SPATA7: variants seen among roughly 807,000 people sequenced by gnomAD.
The protein encoded by SPATA7 is spermatogenesis-associated protein 7.
SPATA7 carries 43 observed loss-of-function variants against 51.8 expected under a neutral mutation model. The ratio of observed to expected loss-of-function variants is 0.83; its 90% CI spans 0.65 to 1.07. The LOEUF is 1.07. Among genes scored for constraint, SPATA7 ranks in the 50% least tolerant of loss-of-function variants. SPATA7 has a pLI of 0.00. For synonymous variants in SPATA7, 230 were observed against 252.8 expected, an observed-to-expected ratio of 0.91 and a Z score of 0.86; for missense variants, 683 against 701.3, an observed-to-expected ratio of 0.97 and a Z score of 0.30.
rs144813926 is a variant in SPATA7, at chr14:88,431,455, G to T, written c.1082+230G>T. ...ATCTCGAACATTTTATCATTTCTTT[G>T]TGTTGGAAACATTGAGTATCCTTCT... On this transcript the variant is annotated intron_variant, in intron 9 of 11. Transcript: ENST00000393545. Among the ~76,000 whole-genome samples, 33 of 152,136 alleles carry T rather than the reference G, an allele frequency of 2.2e-4. No individual in the cohort carries two copies. In the East Asian group the frequency reaches 6.0e-3, roughly 28 times the overall value.
At position 88,469,625 on chromosome 14, in the gene SPATA7, C is replaced by T; in HGVS notation, c.255-222C>T. ...TTCAGGCCTGTGGTGGCATAGCAGCCAGAGTCTGTGCGGAACCGGGTCGTG... is the reference window on the plus strand; with the variant it reads ...TTCAGGCCTGTGGTGGCATAGCAGCTAGAGTCTGTGCGGAACCGGGTCGTG... On this transcript the variant is annotated intron_variant, in intron 4 of 4. Coordinates refer to the SPATA7 transcript ENST00000556406. This position sits in a 1 kb window ranked among gnomAD's most constrained non-coding sequence, Gnocchi z 4.3. The T allele has an allele frequency of 6.2e-7, 1 of 1,614,136 alleles. No individual in the cohort carries two copies. The highest frequency in any genetic ancestry group is 8.5e-7 in the Non-Finnish European group (1 of 1,180,028).
chr14:88,404,891 G>A (rs1328253448), intron 4 of SPATA7, among the ~76,000 whole-genome samples: 1 of 152,148 alleles, frequency 6.6e-6, no homozygotes, highest in Non-Finnish European at 1.5e-5. Flanking sequence ...GGACTAAAGA[G>A]GTGAACAGGA....
intron 1 of SPATA7, among the ~76,000 whole-genome samples, 173 bp from the exon 2 acceptor site, chr14:88,391,208 A>G (rs550659149): frequency 3.9e-5 from 6 of 152,348 alleles, no homozygotes; most frequent in African/African-American, 1.4e-4. Flanking sequence ...ATTACATTTA[A>G]TGCTGTAACT....
intron 3 of SPATA7, among the ~76,000 whole-genome samples, chr14:88,443,540 G>C (rs1162535114): frequency 6.6e-6 from 1 of 152,040 alleles, no homozygotes; most frequent in African/African-American, 2.4e-5. Context: ...GTGCAGGTTA[G>C]TTACATATGT....
At chr14:88,459,682 T>G (rs1328322891), downstream of SPATA7, among the ~76,000 whole-genome samples, 1 of 152,228 alleles carries the variant, frequency 6.6e-6, no homozygotes, top group East Asian at 1.9e-4. Flanking sequence ...TGCCAGTCTG[T>G]GTATTTTAAT....
At chr14:88,428,646 T>A (rs2076860017) in intron 7 of SPATA7, 1 of 152,126 alleles carries the variant, frequency 6.6e-6, no homozygotes, top group African/African-American at 2.4e-5. Flanking sequence ...TTGGAAAGAG[T>A]TAGCTTTGCA....
chr14:88,391,669 C>G (rs982123718), intron 2 of SPATA7: 12 of 614,324 alleles, frequency 2.0e-5, no homozygotes, highest in Non-Finnish European at 3.3e-5. Context: ...GTGGACTTGG[C>G]TGTCTCCTGC....
chr14:88,438,329 C>T lies in SPATA7; in HGVS notation c.1707C>T (p.Phe569=), dbSNP rs201347745. Residue 569 remains phenylalanine (F), a synonymous_variant, in exon 12 of 12, where the codon TTC becomes TTT. Coordinates refer to ENST00000393545, the MANE Select transcript of SPATA7 (RefSeq NM_018418.5). ...LNTSPSQSVQ[F]SSVKGDNNHD... is the part of the protein sequence containing the mutation. ...CATCACCCTCCCAATCTGTTCAGTT[C>T]TCCAGTGTCAAAGGCGACAATAATC... is the stretch of plus-strand genomic sequence containing the variant. The T allele has an allele frequency of 1.2e-6, 2 of 1,614,018 alleles. No homozygotes were observed. Among genetic ancestry groups the T allele is most frequent in the Admixed American group, 1.7e-5 (1 of 60,006 alleles).
At chr14:88,429,180 A>G (rs1480376705) in intron 7 of SPATA7, 168 bp from the exon 8 acceptor site, 11 of 445,478 alleles carry the variant, frequency 2.5e-5, no homozygotes, top group Non-Finnish European at 4.1e-5. Context: ...AGTTTAAGAA[A>G]AAAGTGCTGG....
rs1372472205 is a variant in SPATA7 at position 88,385,747 on chromosome 14, G to T, written c.-72G>T. ...CTCTTTTCCAGTCCTCCACTGCCGG[G>T]GCTGGGCCCGGCCGCGGGAAGGACC... On this transcript the variant is annotated 5_prime_UTR_variant, in exon 1 of 12. Transcript: ENST00000393545. The T allele has an allele frequency of 2.7e-6, 4 of 1,472,602 alleles. No individual in the cohort carries two copies. Among genetic ancestry groups the T allele is most frequent in the Non-Finnish European group, 3.7e-6 (4 of 1,067,394 alleles). The allele number at this position is 1,472,602 out of a possible 1,614,324, so 91.2% of individuals were successfully genotyped here.
Position 88,416,507 on chromosome 14 carries a change from G to T in SPATA7, c.239-204G>T. On this transcript the variant is annotated intron_variant, in intron 4 of 11. Transcript: ENST00000393545. ...CATTTAGAATTTCTATAAATTAAAT[G>T]TGTTAGTTAATATCTAGAGGCACAT... 53 of 329,958 alleles carry T rather than the reference G, an allele frequency of 1.6e-4. No individual in the cohort carries two copies. In the Middle Eastern group the frequency reaches 3.1e-3, roughly 19 times the overall value. 20.4% of individuals were successfully genotyped at this position (329,958 alleles called of 1,614,324 possible). A position where few individuals can be genotyped will look rare whatever the true frequency, so the allele number is the denominator to read the frequency against.
chr14:88,407,014 C>T (rs1434595979), intron 4 of SPATA7, among the ~76,000 whole-genome samples: 1 of 152,120 alleles, frequency 6.6e-6, no homozygotes, highest in East Asian at 1.9e-4. Flanking sequence ...GAAATATACC[C>T]ATTGATGGGC....
rs17124665 is a variant in SPATA7, at chr14:88,426,405, T to C, written c.546T>C (p.Ser182=). The C allele has an allele frequency of 6.5e-3, 10,411 of 1,614,082 alleles. 569 individuals carry two copies. In the African/African-American group the frequency reaches 0.12, roughly 19 times the overall value. ...PEKNSSSSPS[S]VDYAASGPRK... is the part of the protein sequence containing the mutation. ...AGAACTCCAGTTCCTCCCCGTCCAG[T>C]GTGGATTATGCAGCCTCCGGGCCCC... Residue 182 remains serine (S), a synonymous_variant, in exon 6 of 12, where the codon AGT becomes AGC. Transcript: ENST00000393545.
exon 5 of SPATA7, chr14:88,470,196 G>C (rs1363529723): frequency 7.0e-6 from 5 of 713,128 alleles, no homozygotes; most frequent in Non-Finnish European, 9.0e-6. Context: ...GCAGAATAAG[G>C]AAAGACTTTT....
At chr14:88,426,810 C>T in intron 6 of SPATA7, 106 bp downstream of exon 6, 1 of 1,001,694 alleles carries the variant, frequency 1.0e-6, no homozygotes, top group South Asian at 1.4e-5. Context: ...CTGATAGTGC[C>T]CTTTTGATTG....
At chr14:88,391,502 G>A (rs2075744304) in intron 2 of SPATA7, 47 bp downstream of exon 2, 3 of 1,520,304 alleles carry the variant, frequency 2.0e-6, no homozygotes, top group Middle Eastern at 1.7e-4. Flanking sequence ...GATTGTCTGA[G>A]TGTTTCCTTT....
intron 4 of SPATA7, among the ~76,000 whole-genome samples, chr14:88,460,759 C>T (rs141050904): frequency 1.7e-3 from 254 of 152,316 alleles, no homozygotes; most frequent in Non-Finnish European, 2.9e-3. Context: ...TAAGGAGCTG[C>T]GTTCCTTTGG....
intron 3 of SPATA7, chr14:88,393,708 C>A: frequency 2.7e-6 from 1 of 372,174 alleles, no homozygotes. Flanking sequence ...TATTTTATTT[C>A]GTTTTTTATC....
rs570842784 is a variant in SPATA7, at chr14:88,385,712, C to G, written c.-107C>G. 18 of 1,100,088 alleles carry G rather than the reference C, an allele frequency of 1.6e-5. No homozygotes were observed. Among genetic ancestry groups the G allele is most frequent in the Non-Finnish European group, 2.0e-5 (15 of 736,382 alleles). The allele number at this position is 1,100,088 out of a possible 1,614,324, so 68.1% of individuals were successfully genotyped here. A position where few individuals can be genotyped will look rare whatever the true frequency, so the allele number is the denominator to read the frequency against. On this transcript the variant is annotated 5_prime_UTR_variant, in exon 1 of 12. Coordinates refer to ENST00000393545, the MANE Select transcript of SPATA7 (RefSeq NM_018418.5). ...AACGGTTTCCCTGCTGCTGCAGCCC[C>G]CGTCGGCTCCTCTTTTCCAGTCCTC...
Sources: gnomAD v4.1 joint callset for allele counts (sites outside exome capture counted in the v4.1 genomes callset) on GRCh38, gnomAD v4.1.1 for gene constraint, Gnocchi (gnomAD v3.1) non-coding constraint, MANE v1.5 for transcripts, NCBI Gene and HGNC (gene_info 2026-07-23, HGNC 2026-07-21) for gene names.